The following TOX variants were observed in gnomAD, a reference collection of about 807,000 sequenced individuals.
The protein encoded by TOX is thymocyte selection-associated high mobility group box protein TOX.
Under a neutral mutation model 53.7 loss-of-function variants are expected in TOX, and 11 were observed. The ratio of observed to expected loss-of-function variants is 0.20; its 90% confidence interval spans 0.13 to 0.34. TOX has a LOEUF of 0.34. TOX is among the 10% of genes least tolerant of loss of function. The probability of loss-of-function intolerance (pLI) is 1.00; values close to 1 mark genes in which losing one functional copy is unlikely to be tolerated. For synonymous variants in TOX, 225 were observed against 245.3 expected (o/e 0.92, Z 0.77); for missense variants, 570 against 664.6 (o/e 0.86, Z 1.56).
chr8:59,086,419 G>A (rs1302943292), intron 1 of TOX, among the ~76,000 whole-genome samples: 2 of 152,026 alleles, frequency 1.3e-5, no homozygotes, highest in Non-Finnish European at 2.9e-5. Context: ...GACAGAATCC[G>A]GCCTAATAAG....
At chr8:58,828,183 A>G (rs564851532) in intron 5 of TOX, among the ~76,000 whole-genome samples, 12 of 152,242 alleles carry the variant, frequency 7.9e-5, no homozygotes, top group Non-Finnish European at 1.6e-4. Context: ...AACGCCAGCT[A>G]TGAAATTCGA....
chr8:58,928,867 C>T (rs1563392061), intron 3 of TOX, among the ~76,000 whole-genome samples: 1 of 152,012 alleles, frequency 6.6e-6, no homozygotes, highest in Non-Finnish European at 1.5e-5. Flanking sequence ...CTGGTTAACA[C>T]AGAATGTGAT....
chr8:58,902,497 A>T (rs1451540790), intron 3 of TOX, among the ~76,000 whole-genome samples: 2 of 152,192 alleles, frequency 1.3e-5, no homozygotes, highest in Non-Finnish European at 1.5e-5. Flanking sequence ...TTTGAGACTC[A>T]AATCCAGGCT....
chr8:59,052,967 A>C (rs866321660), intron 1 of TOX, among the ~76,000 whole-genome samples: 36 of 152,286 alleles, frequency 2.4e-4, no homozygotes, highest in Middle Eastern at 3.4e-3. Context: ...ATAATGGAAA[A>C]TGTGGTTCTA....
intron 1 of TOX, among the ~76,000 whole-genome samples, chr8:59,010,081 AG>A (rs1437375556): frequency 3.3e-5 from 5 of 152,194 alleles, no homozygotes; most frequent in Non-Finnish European, 7.3e-5. Context: ...TGATCTTCAA[AG>A]TTTATATCTA....
chr8:58,894,882 T>G (rs1413514964), intron 3 of TOX, among the ~76,000 whole-genome samples: 1 of 149,176 alleles, frequency 6.7e-6, no homozygotes, highest in African/African-American at 2.5e-5. Context: ...GGAGACAAAG[T>G]GAGACTCTGT....
intron 1 of TOX, among the ~76,000 whole-genome samples, chr8:58,976,581 A>G (rs1296477299): frequency 6.6e-6 from 1 of 152,244 alleles, no homozygotes; most frequent in Non-Finnish European, 1.5e-5. Flanking sequence ...GGCAACTAGA[A>G]TGGTAAAATC....
At chr8:58,841,766 TTAAA>T (rs1810647370) in intron 4 of TOX, among the ~76,000 whole-genome samples, 1 of 152,344 alleles carries the variant, frequency 6.6e-6, no homozygotes, top group African/African-American at 2.4e-5. Flanking sequence ...ATTGTACACT[TTAAA>T]TACATACAAT....
At chr8:58,940,379 G>C (rs1350333746) in intron 2 of TOX, among the ~76,000 whole-genome samples, 1 of 151,298 alleles carries the variant, frequency 6.6e-6, no homozygotes, top group Non-Finnish European at 1.5e-5. Flanking sequence ...AGATAAAATA[G>C]AAAGGGAGGG....
At chr8:58,971,590 G>T (rs1813004124) in intron 1 of TOX, among the ~76,000 whole-genome samples, 2 of 152,204 alleles carry the variant, frequency 1.3e-5, no homozygotes, top group Non-Finnish European at 1.5e-5. Context: ...TAATTGGAAA[G>T]ATCAATAGGC....
chr8:58,995,846 T>A (rs1813551151), intron 1 of TOX, among the ~76,000 whole-genome samples: 1 of 152,214 alleles, frequency 6.6e-6, no homozygotes, highest in Non-Finnish European at 1.5e-5. Context: ...TTCGATTACT[T>A]TGTGCCATTT....
At chr8:58,864,546 A>C (rs1174559960) in intron 3 of TOX, among the ~76,000 whole-genome samples, 2 of 152,218 alleles carry the variant, frequency 1.3e-5, no homozygotes, top group Non-Finnish European at 2.9e-5. Flanking sequence ...GTACAGCAAC[A>C]GTAGCCATTT....
At chr8:58,818,341 T>C (rs988403177) in intron 6 of TOX, among the ~76,000 whole-genome samples, 11 of 152,126 alleles carry the variant, frequency 7.2e-5, no homozygotes, top group African/African-American at 2.2e-4. Flanking sequence ...ATTTTTAACA[T>C]AGAGGGAGGG....
intron 1 of TOX, among the ~76,000 whole-genome samples, chr8:59,043,589 A>G (rs1258756559): frequency 6.6e-6 from 1 of 152,202 alleles, no homozygotes; most frequent in Non-Finnish European, 1.5e-5. Context: ...GGTGTTCCAT[A>G]GTGTTTCAAA....
rs550857627 is a variant in TOX, at chr8:59,110,295, C to G, written c.102+8591G>C. ...ATACACTTTTTGTTGAAAGGTTATC[C>G]TGCCTCTTTATTATTAACATTTCTC... On this transcript the variant is annotated intron_variant, in intron 1 of 8. Transcript: ENST00000361421. Among the ~76,000 whole-genome samples the G allele has an allele frequency of 2.6e-5, 4 of 152,216 alleles. No homozygotes were observed. The South Asian group carries it at 8.3e-4, about 32-fold the overall frequency.
chr8:59,088,048 T>C (rs951791063), intron 1 of TOX, among the ~76,000 whole-genome samples: 3 of 152,160 alleles, frequency 2.0e-5, no homozygotes, highest in Admixed American at 6.5e-5. Flanking sequence ...AAAAATTTAA[T>C]CAAAGGGATG....
chr8:59,041,072 CCGTGTGTGTG>C (rs1803579788), intron 1 of TOX, among the ~76,000 whole-genome samples: 1 of 68,144 alleles, frequency 1.5e-5, no homozygotes, highest in African/African-American at 4.5e-5. Flanking sequence ...AAAAGGGACT[CCGTGTGTGTG>C]TGTGTGTGTG....
intron 3 of TOX, among the ~76,000 whole-genome samples, chr8:58,861,999 G>C (rs1289674343): frequency 6.6e-6 from 1 of 152,112 alleles, no homozygotes; most frequent in African/African-American, 2.4e-5. Flanking sequence ...CAGCTTCCCT[G>C]TGCAGAATAC....
intron 1 of TOX, among the ~76,000 whole-genome samples, chr8:58,983,126 G>A (rs1438096876): frequency 1.3e-5 from 2 of 152,174 alleles, no homozygotes; most frequent in Admixed American, 1.3e-4. Context: ...TTCACTGTCT[G>A]CCTGAAATAT....
Sources: gnomAD v4.1 joint callset for allele counts (sites outside exome capture counted in the v4.1 genomes callset) on GRCh38, gnomAD v4.1.1 for gene constraint, MANE v1.5 for transcripts, NCBI Gene and HGNC (gene_info 2026-07-23, HGNC 2026-07-21) for gene names.